OXSR1: variants seen among roughly 807,000 people sequenced by gnomAD.
OXSR1 encodes the protein oxidative stress responsive kinase 1, also known as serine/threonine-protein kinase OSR1.
In OXSR1, 24 loss-of-function variants were observed where a neutral mutation model predicts 79.8. The observed-to-expected ratio is 0.30, with a 90% CI of 0.22 to 0.42. The LOEUF (loss-of-function observed/expected upper bound fraction) is 0.42, where lower values mean the gene tolerates loss of function less well. Among genes scored for constraint, OXSR1 ranks in the 10% least tolerant of loss-of-function variants. The probability of loss-of-function intolerance (pLI) is 1.00; values close to 1 mark genes in which losing one functional copy is unlikely to be tolerated. For missense variants in OXSR1, 430 were observed against 618.4 expected (o/e 0.70, Z 3.23); for synonymous variants, 226 against 209.2 (o/e 1.08, Z -0.69).
chr3:38,211,779 A>C (rs186766861), intron 4 of OXSR1, among the ~76,000 whole-genome samples: 1 of 152,084 alleles, frequency 6.6e-6, no homozygotes, highest in Non-Finnish European at 1.5e-5. Flanking sequence ...TCTGCCTCTT[A>C]AGTGTCTCTT....
intron 12 of OXSR1, among the ~76,000 whole-genome samples, chr3:38,244,935 C>A (rs1045779620): frequency 6.6e-6 from 1 of 152,120 alleles, no homozygotes; most frequent in Non-Finnish European, 1.5e-5. Context: ...AATTTCTGTG[C>A]ATCCTCTCAT....
chr3:38,194,768 C>T (rs1214126918), intron 3 of OXSR1, among the ~76,000 whole-genome samples: 4 of 151,476 alleles, frequency 2.6e-5, no homozygotes, highest in Non-Finnish European at 5.9e-5. Context: ...GCAAAGACTC[C>T]CAAAATTAAA....
chr3:38,173,204 G>A (rs1167863502), intron 1 of OXSR1, among the ~76,000 whole-genome samples: 2 of 152,158 alleles, frequency 1.3e-5, no homozygotes, highest in African/African-American at 4.8e-5. Context: ...AAATAGGTCA[G>A]GATTATCTTA....
chr3:38,198,055 A>G (rs1348244813), intron 3 of OXSR1, among the ~76,000 whole-genome samples: 1 of 152,116 alleles, frequency 6.6e-6, no homozygotes, highest in East Asian at 1.9e-4. Context: ...CTGTGCTTTT[A>G]ATTACTATAT....
chr3:38,239,229 GGTTTT>G (rs1702978872), intron 11 of OXSR1, among the ~76,000 whole-genome samples: 1 of 151,856 alleles, frequency 6.6e-6, no homozygotes, highest in Admixed American at 6.6e-5. Flanking sequence ...ATTCTGAATT[GGTTTT>G]GTTTTGTTAG....
chr3:38,229,621 G>A, intron 8 of OXSR1, 66 bp from the exon 9 acceptor site: 1 of 1,357,028 alleles, frequency 7.4e-7, no homozygotes, highest in African/African-American at 1.5e-5. Context: ...CATTTTTGAT[G>A]ATGGAATCTG....
At chr3:38,252,487 T>C in intron 17 of OXSR1, 95 bp downstream of exon 17, 1 of 884,756 alleles carries the variant, frequency 1.1e-6, no homozygotes, top group Admixed American at 1.7e-5. Flanking sequence ...GATGAGAATA[T>C]TAAAATGTGG....
chr3:38,209,014 T>G (rs1389725042), intron 4 of OXSR1, among the ~76,000 whole-genome samples: 5 of 151,362 alleles, frequency 3.3e-5, no homozygotes, highest in Non-Finnish European at 7.4e-5. Context: ...ATGTGCATGT[T>G]TGGTGGGGTA....
intron 5 of OXSR1, among the ~76,000 whole-genome samples, chr3:38,219,992 A>G (rs1702557538): frequency 6.6e-6 from 1 of 152,096 alleles, no homozygotes; most frequent in African/African-American, 2.4e-5. Context: ...TTTTTTGTAC[A>G]GATGGGGTCT....
intron 6 of OXSR1, among the ~76,000 whole-genome samples, chr3:38,222,530 C>G (rs1261996398): frequency 6.6e-6 from 1 of 152,122 alleles, no homozygotes; most frequent in Non-Finnish European, 1.5e-5. Flanking sequence ...AGAGGCCCTT[C>G]AGTTTTACCA....
chr3:38,251,338 G>A, intron 15 of OXSR1, 65 bp from the exon 16 acceptor site: 1 of 1,301,602 alleles, frequency 7.7e-7, no homozygotes, highest in South Asian at 1.2e-5. Context: ...ACCCACATGA[G>A]CTGTGAGAGT....
At chr3:38,247,755 GTTTTC>G (rs1559529442) in intron 14 of OXSR1, 23 bp downstream of exon 14, 4 of 1,469,832 alleles carry the variant, frequency 2.7e-6, no homozygotes, top group Non-Finnish European at 3.8e-6. Flanking sequence ...TTTTTGTTTT[GTTTTC>G]TTTTGTTTTC....
chr3:38,193,362 T>C, intron 3 of OXSR1: 1 of 1,286,798 alleles, frequency 7.8e-7, no homozygotes, highest in Non-Finnish European at 1.0e-6. Context: ...ACCAACCACC[T>C]TTCAAGATGG....
chr3:38,168,048 C>T (rs1384787118), intron 1 of OXSR1, among the ~76,000 whole-genome samples: 1 of 152,108 alleles, frequency 6.6e-6, no homozygotes, highest in Admixed American at 6.5e-5. Context: ...TCCTCAGACC[C>T]ATAGGATGTC....
intron 4 of OXSR1, among the ~76,000 whole-genome samples, chr3:38,215,110 T>G (rs908387338): frequency 6.6e-6 from 1 of 152,188 alleles, no homozygotes; most frequent in African/African-American, 2.4e-5. Context: ...AAAATTGCAT[T>G]TGGCAAGGGA....
At chr3:38,215,959 G>A in intron 4 of OXSR1, 137 bp from the exon 5 acceptor site, 1 of 641,198 alleles carries the variant, frequency 1.6e-6, no homozygotes. Flanking sequence ...TTTACTATTA[G>A]TCTTAATATC....
chr3:38,201,696 C>T (rs1702167812), intron 4 of OXSR1, among the ~76,000 whole-genome samples: 4 of 146,770 alleles, frequency 2.7e-5, no homozygotes, highest in South Asian at 2.1e-4. Context: ...GGCGACAGAG[C>T]GAGAGTGTCT....
chr3:38,217,726 C>T (rs1212793577), intron 5 of OXSR1, among the ~76,000 whole-genome samples: 1 of 152,036 alleles, frequency 6.6e-6, no homozygotes, highest in African/African-American at 2.4e-5. Context: ...AGTGTTTCTC[C>T]ATGTTGGCCA....
At chr3:38,246,251 C>T in intron 13 of OXSR1, 30 bp downstream of exon 13, 1 of 1,611,118 alleles carries the variant, frequency 6.2e-7, no homozygotes, top group Non-Finnish European at 8.5e-7. Context: ...TTCATGGTCA[C>T]TCCTTTGGAT....
Sources: gnomAD v4.1 joint callset for allele counts (sites outside exome capture counted in the v4.1 genomes callset) on GRCh38, gnomAD v4.1.1 for gene constraint, MANE v1.5 for transcripts, NCBI Gene and HGNC (gene_info 2026-07-23, HGNC 2026-07-21) for gene names.